The following UNC79 variants were observed in gnomAD, a reference collection of about 807,000 sequenced individuals.
The protein encoded by UNC79 is protein unc-79 homolog.
UNC79 carries 37 observed loss-of-function variants against 283.1 expected under a neutral mutation model. The ratio of observed to expected loss-of-function variants is 0.13; its 90% confidence interval spans 0.10 to 0.17. UNC79 has a LOEUF of 0.17. Among genes scored for constraint, UNC79 ranks in the 10% least tolerant of loss-of-function variants. UNC79 has a pLI of 1.00. For synonymous variants in UNC79, 1,107 were observed against 1,200.2 expected, an observed-to-expected ratio of 0.92 and a Z score of 1.61; for missense variants, 2,272 against 3,211.1, an observed-to-expected ratio of 0.71 and a Z score of 7.07.
At chr14:93,551,068 G>A (rs1245260813) in intron 14 of UNC79, among the ~76,000 whole-genome samples, 1 of 151,062 alleles carries the variant, frequency 6.6e-6, no homozygotes, top group African/African-American at 2.4e-5. Context: ...TTTTTAAATC[G>A]AGACGGAGTC....
chr14:93,473,961 G>A, intron 2 of UNC79, 128 bp from the exon 3 acceptor site: 1 of 1,120,982 alleles, frequency 8.9e-7, no homozygotes, highest in Non-Finnish European at 1.2e-6. Context: ...AGACCCTGCT[G>A]GCGTGGCAAT....
chr14:93,646,563 G>A, intron 34 of UNC79, 45 bp from the exon 38 acceptor site: 1 of 1,593,480 alleles, frequency 6.3e-7, no homozygotes, highest in Non-Finnish European at 8.6e-7. Flanking sequence ...ATTTCATCAT[G>A]GAAACCTAAG....
chr14:93,396,777 A>ATGTGTGTGTGTGTGTGTGTG lies in UNC79; in HGVS notation c.-351+63266_-351+63285dup, dbSNP rs34727419. Among the ~76,000 whole-genome samples the ATGTGTGTGTGTGTGTGTGTG allele has an allele frequency of 6.6e-3, 958 of 144,484 alleles. 10 individuals carry two copies. Among genetic ancestry groups the ATGTGTGTGTGTGTGTGTGTG allele is most frequent in the Middle Eastern group, 0.011 (3 of 284 alleles). The allele number at this position is 144,484 out of a possible 152,430, so 94.8% of individuals were successfully genotyped here. The stretch of plus-strand genomic sequence containing the variant: ...GTCTTTGCAAAGGGCATGTGTGTGT[A>ATGTGTGTGTGTGTGTGTGTG]TGTGTGTGTGTGTGTGTGTGTGTGT... On this transcript the variant is annotated intron_variant, in intron 1 of 49. Transcript: ENST00000256339.
chr14:93,659,381 C>T (rs2071288864), intron 39 of UNC79, 120 bp downstream of exon 42: 1 of 759,640 alleles, frequency 1.3e-6, no homozygotes, highest in Non-Finnish European at 2.1e-6. Flanking sequence ...CCCTTTCAGC[C>T]TCCTTCTTTT....
At chr14:93,453,132 A>T (rs978260945) in intron 1 of UNC79, among the ~76,000 whole-genome samples, 1 of 152,258 alleles carries the variant, frequency 6.6e-6, no homozygotes, top group African/African-American at 2.4e-5. Context: ...GGTTTTCCAC[A>T]TAGCCAGACA....
chr14:93,606,304 C>A (rs2065887488), intron 26 of UNC79, among the ~76,000 whole-genome samples: 2 of 152,186 alleles, frequency 1.3e-5, no homozygotes, highest in Non-Finnish European at 2.9e-5. Flanking sequence ...CAGATAACAG[C>A]ATTGTTTAAA....
chr14:93,540,580 G>C (rs770357115), intron 12 of UNC79, 80 bp from the exon 13 acceptor site: 1 of 1,501,242 alleles, frequency 6.7e-7, no homozygotes, highest in Non-Finnish European at 8.9e-7. Flanking sequence ...GAGTACTCGT[G>C]AGGTACTTCC....
chr14:93,641,389 C>T (rs2069019040), intron 33 of UNC79, 142 bp downstream of exon 36: 2 of 757,552 alleles, frequency 2.6e-6, no homozygotes. Context: ...CACACAGATG[C>T]TTGTTCAGTG....
intron 1 of UNC79, among the ~76,000 whole-genome samples, chr14:93,443,248 T>C (rs2056362832): frequency 6.6e-6 from 1 of 151,356 alleles, no homozygotes; most frequent in South Asian, 2.1e-4. Context: ...AATAAATAAA[T>C]AAATAAATAC....
intron 14 of UNC79, among the ~76,000 whole-genome samples, chr14:93,564,027 A>G (rs184727304): frequency 2.0e-5 from 3 of 152,334 alleles, no homozygotes; most frequent in Admixed American, 2.0e-4. Context: ...CGGAGGCATG[A>G]TGGCCAGCCT....
intron 5 of UNC79, among the ~76,000 whole-genome samples, chr14:93,493,297 G>A (rs1305535344): frequency 6.6e-6 from 1 of 152,140 alleles, no homozygotes; most frequent in Non-Finnish European, 1.5e-5. Flanking sequence ...GCTCCCTGGT[G>A]TGACACTAGA....
exon 30 of UNC79, chr14:93,622,352 G>T (rs765433014): frequency 6.2e-7 from 1 of 1,614,166 alleles, no homozygotes; most frequent in Middle Eastern, 1.6e-4. Context: ...TAATCAGTCA[G>T]CAGGGAACAC....
chr14:93,664,386 C>T (rs756995864), intron 40 of UNC79, among the ~76,000 whole-genome samples: 1 of 152,014 alleles, frequency 6.6e-6, no homozygotes, highest in African/African-American at 2.4e-5. Flanking sequence ...AAAAATGAAG[C>T]GGGATTGACA....
chr14:93,477,528 A>G (rs747740632), intron 3 of UNC79, 30 bp from the exon 4 acceptor site: 1 of 1,540,632 alleles, frequency 6.5e-7, no homozygotes, highest in Admixed American at 2.0e-5. Flanking sequence ...CAAAATATTC[A>G]GTGACTGATT....
At chr14:93,526,390 G>A (rs980110037) in intron 8 of UNC79, among the ~76,000 whole-genome samples, 1 of 152,076 alleles carries the variant, frequency 6.6e-6, no homozygotes, top group Non-Finnish European at 1.5e-5. Context: ...TTTATAGTAT[G>A]ATGTTTAAAA....
At chr14:93,417,891 G>C (rs373858570) in intron 1 of UNC79, among the ~76,000 whole-genome samples, 1 of 151,624 alleles carries the variant, frequency 6.6e-6, no homozygotes, top group Non-Finnish European at 1.5e-5. Context: ...TTAAGCACTT[G>C]TCTGTATTGG....
At chr14:93,476,154 G>C (rs187239083) in intron 3 of UNC79, among the ~76,000 whole-genome samples, 8 of 152,190 alleles carry the variant, frequency 5.3e-5, no homozygotes, top group Admixed American at 1.3e-4. Context: ...CCTTGTGGAC[G>C]CTTCTTTTGC....
intron 48 of UNC79, among the ~76,000 whole-genome samples, chr14:93,705,372 A>G (rs894547276): frequency 2.2e-5 from 3 of 135,956 alleles, no homozygotes; most frequent in Non-Finnish European, 4.8e-5. Flanking sequence ...AAAAAAAAAA[A>G]GAGGAGTAGC....
rs142461038 is a variant in UNC79 at position 93,381,008 on chromosome 14, G to A, written c.-351+47485G>A. Among the ~76,000 whole-genome samples the A allele has an allele frequency of 2.0e-3, 308 of 152,296 alleles. 2 individuals are homozygous for A. Among genetic ancestry groups the A allele is most frequent in the African/African-American group, 6.8e-3 (284 of 41,574 alleles). On this transcript the variant is annotated intron_variant, in intron 1 of 49. Transcript: ENST00000256339. ...ATAGTCAGTGATAAACAAAACGGAT[G>A]TGTCCCATATGGAATTTTATTCTTA... is the stretch of plus-strand genomic sequence containing the variant.
Sources: allele counts gnomAD v4.1 joint callset (sites outside exome capture counted in the v4.1 genomes callset), GRCh38; gene constraint gnomAD v4.1.1; transcripts MANE v1.5; gene names NCBI Gene and HGNC (gene_info 2026-07-23, HGNC 2026-07-21).